The following KIF6 variants were observed in gnomAD, a reference collection of about 807,000 sequenced individuals.
The protein encoded by KIF6 is kinesin family member 6, also known as kinesin-like protein KIF6.
Under a neutral mutation model 112.7 loss-of-function variants are expected in KIF6, and 106 were observed. That is an observed-to-expected ratio of 0.94 (90% CI 0.80 to 1.11). The LOEUF is 1.11. KIF6 is among the 50% of genes least tolerant of loss of function. KIF6 has a pLI of 0.00. For missense variants in KIF6, 929 were observed against 964.0 expected (o/e 0.96, Z 0.48); for synonymous variants, 339 against 339.9 (o/e 1.00, Z 0.03).
At chr6:39,362,611 A>C in intron 16 of KIF6, 93 bp from the exon 17 acceptor site, 3 of 946,508 alleles carry the variant, frequency 3.2e-6, no homozygotes, top group Non-Finnish European at 5.2e-6. Flanking sequence ...AGGGCACCCC[A>C]AGAAGAAAGG....
intron 13 of KIF6, among the ~76,000 whole-genome samples, chr6:39,478,565 T>G (rs1457316580): frequency 6.6e-6 from 1 of 152,192 alleles, no homozygotes; most frequent in Non-Finnish European, 1.5e-5. Context: ...GGAGTGAGAT[T>G]GCTGGATCAA....
intron 5 of KIF6, among the ~76,000 whole-genome samples, chr6:39,633,338 A>G (rs1325756402): frequency 2.0e-5 from 3 of 152,158 alleles, no homozygotes; most frequent in African/African-American, 7.2e-5. Context: ...GAGAGGTAAC[A>G]TAATATATAG....
At chr6:39,439,941 G>C (rs1379477919) in intron 13 of KIF6, among the ~76,000 whole-genome samples, 2 of 152,176 alleles carry the variant, frequency 1.3e-5, no homozygotes, top group Non-Finnish European at 2.9e-5. Flanking sequence ...TGCTGCTTAA[G>C]CTATTGCTTA....
intron 16 of KIF6, among the ~76,000 whole-genome samples, chr6:39,381,248 C>T (rs932512852): frequency 3.3e-5 from 5 of 152,278 alleles, no homozygotes; most frequent in South Asian, 2.1e-4. Context: ...AAACCCAAAC[C>T]GATCACACCC....
rs566824226 is a variant in KIF6, at chr6:39,708,894, A to T, written c.251+5798T>A. ...CAGTTTGAGAAGCACAACACTAGAT[A>T]AAAAAAAAAAAACAAATAAAACAAG... On this transcript the variant is annotated intron_variant, in intron 3 of 22. Coordinates refer to ENST00000287152, the MANE Select transcript of KIF6 (RefSeq NM_145027.6). Among the ~76,000 whole-genome samples, 21 of 117,446 alleles carry T rather than the reference A, an allele frequency of 1.8e-4. 1 individual carries two copies. In the East Asian group the frequency reaches 3.4e-3, roughly 19 times the overall value. 77.0% of individuals were successfully genotyped at this position (117,446 alleles called of 152,430 possible). A position where few individuals can be genotyped will look rare whatever the true frequency, so the allele number is the denominator to read the frequency against.
chr6:39,601,727 C>T (rs1030698884), intron 6 of KIF6, among the ~76,000 whole-genome samples: 1 of 151,820 alleles, frequency 6.6e-6, no homozygotes, highest in Non-Finnish European at 1.5e-5. Context: ...CACACACACA[C>T]ACACACACAC....
At chr6:39,345,884 G>C (rs1763674171) in intron 20 of KIF6, 95 bp from the exon 21 acceptor site, 4 of 848,938 alleles carry the variant, frequency 4.7e-6, no homozygotes, top group Non-Finnish European at 7.6e-6. Context: ...TGGACTGAAT[G>C]TGTCCTCTCA....
chr6:39,690,262 A>G (rs1788114276), intron 3 of KIF6: 1 of 152,090 alleles, frequency 6.6e-6, no homozygotes, highest in Admixed American at 6.6e-5. Context: ...TGAAAGAGTG[A>G]GAGTATCGGA....
At chr6:39,574,587 T>C (rs1780827656) in intron 10 of KIF6, among the ~76,000 whole-genome samples, 1 of 152,226 alleles carries the variant, frequency 6.6e-6, no homozygotes, top group Non-Finnish European at 1.5e-5. Flanking sequence ...GTAACTTTCA[T>C]GATTCTTTTC....
At chr6:39,643,945 T>A (rs1022814655) in intron 3 of KIF6, among the ~76,000 whole-genome samples, 7 of 152,126 alleles carry the variant, frequency 4.6e-5, no homozygotes, top group Non-Finnish European at 8.8e-5. Flanking sequence ...ATCATATCCA[T>A]AATCCATAAC....
chr6:39,400,102 A>G (rs1322454537), intron 15 of KIF6, among the ~76,000 whole-genome samples: 1 of 152,240 alleles, frequency 6.6e-6, no homozygotes, highest in Non-Finnish European at 1.5e-5. Flanking sequence ...TTCCAGCAGT[A>G]AAGCCAGGAG....
At chr6:39,339,824 T>A (rs2113886358) in intron 22 of KIF6, among the ~76,000 whole-genome samples, 1 of 152,338 alleles carries the variant, frequency 6.6e-6, no homozygotes, top group African/African-American at 2.4e-5. Context: ...AGATTCATCC[T>A]GGCCCTTGGT....
At chr6:39,623,969 C>A (rs946609563) in intron 5 of KIF6, among the ~76,000 whole-genome samples, 1 of 152,130 alleles carries the variant, frequency 6.6e-6, no homozygotes. Context: ...GCTCTTGGCT[C>A]AGTCAGAACT....
chr6:39,709,460 G>C (rs1789409083), intron 3 of KIF6, among the ~76,000 whole-genome samples: 1 of 152,186 alleles, frequency 6.6e-6, no homozygotes, highest in Non-Finnish European at 1.5e-5. Flanking sequence ...ACAGGAGGTG[G>C]AGCTCAGGCA....
intron 13 of KIF6, among the ~76,000 whole-genome samples, chr6:39,434,407 CAA>C (rs5875673): frequency 3.0e-5 from 4 of 132,222 alleles, no homozygotes; most frequent in Admixed American, 7.7e-5. Flanking sequence ...TACTAAAATA[CAA>C]AAAAAAAAAA....
chr6:39,526,479 A>G (rs11751784), intron 13 of KIF6, among the ~76,000 whole-genome samples: 71,482 of 152,006 alleles, frequency 0.47, 20,401 homozygotes, highest in African/African-American at 0.81. Flanking sequence ...GGTGCTCATA[A>G]ATGGTGACTT....
At chr6:39,488,393 C>T (rs1220401177) in intron 13 of KIF6, among the ~76,000 whole-genome samples, 1 of 152,156 alleles carries the variant, frequency 6.6e-6, no homozygotes, top group Non-Finnish European at 1.5e-5. Flanking sequence ...TAGTCTGCTC[C>T]CCTGTCTTGG....
chr6:39,574,904 G>GT (rs1443261652), intron 10 of KIF6, among the ~76,000 whole-genome samples: 2 of 151,912 alleles, frequency 1.3e-5, no homozygotes, highest in Non-Finnish European at 2.9e-5. Flanking sequence ...CTGCCCCTCG[G>GT]TTTTTTCATT....
rs759978298 is a variant in KIF6 at position 39,596,190 on chromosome 6, C to T, written c.710G>A (p.Gly237Glu). Residue 237 changes from glycine to glutamate, a missense_variant, in exon 7 of 23, where the codon GGA (glycine) becomes GAA (glutamate). Gly to Glu is a moderately conservative substitution (Grantham distance 98, BLOSUM62 -2). This residue lies in a region of KIF6 where 688 missense variants were observed against 662.7 expected (regional missense o/e 1.04). Coordinates refer to ENST00000287152, the MANE Select transcript of KIF6 (RefSeq NM_145027.6). ...FTIHLSSKEP[G>E]SATVRHAKLH... is the part of the protein sequence containing the mutation. ...TTTGGCATGTCGTACAGTTGCAGAT[C>T]CTGGTTCCTTGCTTGACAAATGAAT... 4 of 1,614,038 alleles carry T rather than the reference C, an allele frequency of 2.5e-6. No homozygotes were observed. Among genetic ancestry groups the T allele is most frequent in the South Asian group, 2.2e-5 (2 of 91,078 alleles).
Sources: gnomAD v4.1 joint callset for allele counts (sites outside exome capture counted in the v4.1 genomes callset) on GRCh38, gnomAD v4.1.1 for gene constraint, gnomAD v4.1.1 regional missense constraint, MANE v1.5 for transcripts, NCBI Gene and HGNC (gene_info 2026-07-23, HGNC 2026-07-21) for gene names.